The following NEBL variants were observed in gnomAD, a reference collection of about 807,000 sequenced individuals.
The protein encoded by NEBL is LIM and SH3 protein 2.
A neutral mutation model predicts 140.2 loss-of-function variants in NEBL; 122 were observed. The ratio of observed to expected loss-of-function variants is 0.87; its 90% CI spans 0.75 to 1.01. The LOEUF is 1.01. Among genes scored for constraint, NEBL ranks in the 50% least tolerant of loss-of-function variants. The probability of loss-of-function intolerance (pLI) is 0.00; values close to 1 mark genes in which losing one functional copy is unlikely to be tolerated. For missense variants in NEBL, 1,365 were observed against 1,231.3 expected (o/e 1.11, Z -1.62); for synonymous variants, 436 against 398.9 (o/e 1.09, Z -1.11).
chr10:21,125,919 T>C, intron 2 of NEBL: 1 of 1,614,248 alleles, frequency 6.2e-7, no homozygotes. Context: ...TTATACCTTC[T>C]GGTCCCAGAG....
chr10:21,153,782 G>A (rs1840233832), intron 2 of NEBL, among the ~76,000 whole-genome samples: 2 of 152,068 alleles, frequency 1.3e-5, no homozygotes, highest in African/African-American at 4.8e-5. Context: ...CCAAAGTGCT[G>A]GGGTTACAGG....
At chr10:21,098,889 C>T (rs749731694) in intron 2 of NEBL, among the ~76,000 whole-genome samples, 1 of 152,130 alleles carries the variant, frequency 6.6e-6, no homozygotes, top group Non-Finnish European at 1.5e-5. Flanking sequence ...ATAATCCCAA[C>T]AATTTGTAAG....
intron 5 of NEBL, among the ~76,000 whole-genome samples, chr10:20,872,415 G>C (rs1845036819): frequency 6.6e-6 from 1 of 152,050 alleles, no homozygotes; most frequent in Non-Finnish European, 1.5e-5. Context: ...GGCTTATGTT[G>C]GGGGACATTC....
intron 3 of NEBL, among the ~76,000 whole-genome samples, chr10:21,194,884 T>C (rs1440572034): frequency 6.9e-6 from 1 of 145,662 alleles, no homozygotes; most frequent in Non-Finnish European, 1.5e-5. Flanking sequence ...CTGACATGAC[T>C]CACTTCAGGG....
At chr10:20,976,644 T>C (rs368011083) in intron 3 of NEBL, among the ~76,000 whole-genome samples, 8 of 152,122 alleles carry the variant, frequency 5.3e-5, no homozygotes, top group African/African-American at 1.7e-4. Flanking sequence ...CTAGAGGCCA[T>C]TATCCTAAGC....
At chr10:20,905,341 G>C (rs948173984) in intron 4 of NEBL, among the ~76,000 whole-genome samples, 6 of 152,114 alleles carry the variant, frequency 3.9e-5, no homozygotes, top group Non-Finnish European at 4.4e-5. Flanking sequence ...AAATAAAAGA[G>C]GTTTAATTGA....
chr10:20,898,220 C>T (rs910385941), upstream of NEBL, among the ~76,000 whole-genome samples: 2 of 152,092 alleles, frequency 1.3e-5, no homozygotes, highest in Non-Finnish European at 2.9e-5. Context: ...TCAGGCAATT[C>T]CAAGACTCCC....
At chr10:20,937,918 G>A (rs1012047227) in intron 4 of NEBL, among the ~76,000 whole-genome samples, 1 of 152,212 alleles carries the variant, frequency 6.6e-6, no homozygotes, top group Non-Finnish European at 1.5e-5. Flanking sequence ...GCCCAGGCTT[G>A]AGTAGGTAAA....
At chr10:21,141,773 C>T (rs944622367) in intron 2 of NEBL, among the ~76,000 whole-genome samples, 7 of 152,196 alleles carry the variant, frequency 4.6e-5, no homozygotes, top group Non-Finnish European at 8.8e-5. Context: ...GTTAATCTTT[C>T]CTCTGCCTTG....
intron 3 of NEBL, among the ~76,000 whole-genome samples, chr10:20,980,398 A>AT (rs1193407140): frequency 1.3e-5 from 2 of 152,228 alleles, no homozygotes; most frequent in East Asian, 1.9e-4. Flanking sequence ...AAGAAAAAAA[A>AT]ATATATTTAG....
rs566244136 is a variant in NEBL, at chr10:21,276,057, G to A, written n.182+16773C>T. On this transcript the variant is annotated intron_variant and non_coding_transcript_variant, in intron 1 of 8. Transcript: ENST00000675702. ...GTGATCTCAACTCATTCTGACCTCC[G>A]CCTCCTAGGTTCAAGCGATTGTCAT... 4.1e-4 allele frequency among the ~76,000 whole-genome samples: 60 copies of A among 147,652 alleles called. 1 individual carries two copies. Among genetic ancestry groups the A allele is most frequent in the African/African-American group, 7.3e-4 (29 of 39,930 alleles).
intron 1 of NEBL, among the ~76,000 whole-genome samples, chr10:21,274,259 G>A (rs1011471929): frequency 6.6e-6 from 1 of 152,164 alleles, no homozygotes; most frequent in Non-Finnish European, 1.5e-5. Flanking sequence ...AGTTATGGGT[G>A]ATGGCCCCAG....
intron 3 of NEBL, among the ~76,000 whole-genome samples, chr10:21,235,021 G>A (rs1185228000): frequency 9.8e-5 from 15 of 152,308 alleles, no homozygotes; most frequent in Admixed American, 7.2e-4. Context: ...GTAGCCAGGC[G>A]TGGTGGCACT....
intron 2 of NEBL, among the ~76,000 whole-genome samples, chr10:21,103,314 T>C (rs374972827): frequency 7.8e-4 from 118 of 151,484 alleles, no homozygotes; most frequent in East Asian, 1.4e-3. Context: ...TCCGGGTTCA[T>C]GCCATTCTCC....
chr10:21,233,458 A>G (rs1842292527), intron 3 of NEBL, among the ~76,000 whole-genome samples: 2 of 151,966 alleles, frequency 1.3e-5, no homozygotes, highest in African/African-American at 2.4e-5. Context: ...ACTCTTCCAT[A>G]CTAACACACA....
chr10:20,909,640 T>C (rs1045351202), intron 4 of NEBL, among the ~76,000 whole-genome samples: 2 of 152,196 alleles, frequency 1.3e-5, no homozygotes, highest in African/African-American at 4.8e-5. Flanking sequence ...AATAGTATTA[T>C]AGTAGTGACT....
chr10:21,108,807 G>A (rs1837836394), intron 2 of NEBL, among the ~76,000 whole-genome samples: 1 of 152,120 alleles, frequency 6.6e-6, no homozygotes, highest in Non-Finnish European at 1.5e-5. Flanking sequence ...AAGTCTCTTT[G>A]TAGGTCTCTA....
intron 25 of NEBL, 108 bp downstream of exon 25, chr10:20,809,698 T>G: frequency 1.1e-6 from 1 of 947,586 alleles, no homozygotes; most frequent in Middle Eastern, 2.1e-4. Context: ...TGCCAAATTC[T>G]CAGCTTTAAA....
At chr10:20,906,537 T>C (rs910137041) in intron 4 of NEBL, among the ~76,000 whole-genome samples, 10 of 152,166 alleles carry the variant, frequency 6.6e-5, no homozygotes, top group Non-Finnish European at 1.2e-4. Context: ...AAGTTAATGA[T>C]GCTTTAAAAT....
Sources: allele counts gnomAD v4.1 joint callset (sites outside exome capture counted in the v4.1 genomes callset), GRCh38; gene constraint gnomAD v4.1.1; transcripts MANE v1.5; gene names NCBI Gene and HGNC (gene_info 2026-07-23, HGNC 2026-07-21).